Variants in IMPG2 observed in about 807,000 individuals in gnomAD.
IMPG2 encodes the protein interphotoreceptor matrix proteoglycan 2, also known as IPM 200.
Under a neutral mutation model 129.2 loss-of-function variants are expected in IMPG2, and 91 were observed. The observed-to-expected ratio is 0.70, with a 90% CI of 0.59 to 0.84. The LOEUF is 0.84. Among genes scored for constraint, IMPG2 ranks in the 40% least tolerant of loss-of-function variants. IMPG2 has a pLI of 0.00. For synonymous variants in IMPG2, 510 were observed against 517.7 expected (o/e 0.99, Z 0.20); for missense variants, 1,430 against 1,461.7 (o/e 0.98, Z 0.35).
At chr3:101,230,067 C>A (rs1042767142) in intron 16 of IMPG2, among the ~76,000 whole-genome samples, 2 of 152,192 alleles carry the variant, frequency 1.3e-5, no homozygotes, top group African/African-American at 4.8e-5. Flanking sequence ...TAGGACTGTT[C>A]TACACACTGC....
chr3:101,243,396 T>C, intron 13 of IMPG2, 133 bp downstream of exon 13: 2 of 802,844 alleles, frequency 2.5e-6, no homozygotes, highest in African/African-American at 1.7e-5. Flanking sequence ...ATGATACTAT[T>C]TGTGAATGAT....
intron 7 of IMPG2, among the ~76,000 whole-genome samples, chr3:101,271,182 G>A (rs1237787045): frequency 6.6e-6 from 1 of 152,164 alleles, no homozygotes; most frequent in East Asian, 1.9e-4. Context: ...GAAATCAGAA[G>A]GCTGAGGGTT....
chr3:101,304,370 A>G, intron 2 of IMPG2, 58 bp from the exon 3 acceptor site: 2 of 1,458,122 alleles, frequency 1.4e-6, no homozygotes, highest in Non-Finnish European at 1.9e-6. Flanking sequence ...GGTTCTTACA[A>G]TGATCATAGA....
chr3:101,244,778 T>C lies in IMPG2; in HGVS notation c.1553A>G (p.Asn518Ser), dbSNP rs200892260. Residue 518 changes from asparagine to serine, a missense_variant, in exon 13 of 19, where the codon AAT becomes AGT. Transcript: ENST00000193391. ...AAGAAAATCTTCTGACTCTTCAACA[T>C]TGGCTAATCCTAAAAATAAAGTTTT... is the stretch of plus-strand genomic sequence containing the variant. ...GSHLVEDGLA[N>S]VEESEDFLSI... 56 of 1,613,454 alleles carry C rather than the reference T, an allele frequency of 3.5e-5. No individual in the cohort carries two copies. The highest frequency in any genetic ancestry group is 1.6e-4 in the Middle Eastern group (1 of 6,076).
chr3:101,244,361 G>T lies in IMPG2; in HGVS notation c.1970C>A (p.Ser657Tyr). Residue 657 changes from serine to tyrosine, a missense_variant, in exon 13 of 19, where the codon TCC becomes TAC. Ser to Tyr is a moderately radical substitution (Grantham distance 144). Transcript: ENST00000193391. ...KKLVLVDKMD[S>Y]TDQISKHSKY... is the part of the protein sequence containing the mutation. ...TGAGTGCTTACTAATTTGGTCTGTG[G>T]AATCCATTTTGTCAACTAAAACTAG... 1 of 1,614,070 alleles carries T rather than the reference G, an allele frequency of 6.2e-7. No individual in the cohort carries two copies. Among genetic ancestry groups the T allele is most frequent in the South Asian group, 1.1e-5 (1 of 91,074 alleles).
rs151078877 is a variant in IMPG2 at position 101,250,952 on chromosome 3, A to G, written c.1239+2744T>C. Among the ~76,000 whole-genome samples the G allele has an allele frequency of 9.6e-3, 1,463 of 152,322 alleles. 9 individuals carry two copies. The highest frequency in any genetic ancestry group is 0.037 in the Middle Eastern group (11 of 294). ...GCTCAATACCAAGTTCTGTTCTTCA[A>G]TAAAGTAGTTACAATGATGATGATC... On this transcript the variant is annotated intron_variant, in intron 11 of 18. Transcript: ENST00000193391.
At position 101,303,457 on chromosome 3, in the gene IMPG2, A is replaced by G. The variant is rs1358537326; in HGVS notation, c.501+689T>C. On this transcript the variant is annotated intron_variant, in intron 3 of 18. Coordinates refer to ENST00000193391, the MANE Select transcript of IMPG2 (RefSeq NM_016247.4). ...TTTGGTTCCTTGCAAGGGAAGTTAC[A>G]TATGAGGACACAGAGGAACTGAATA... Among the ~76,000 whole-genome samples the G allele has an allele frequency of 3.3e-5, 5 of 152,200 alleles. No individual in the cohort carries two copies. The East Asian group carries it at 9.6e-4, about 29-fold the overall frequency.
At chr3:101,243,024 A>T (rs528854832) in intron 13 of IMPG2, 117 bp from the exon 14 acceptor site, 2 of 784,030 alleles carry the variant, frequency 2.6e-6, no homozygotes, top group African/African-American at 3.4e-5. Context: ...TCCTAATTGT[A>T]TTTTATCTAC....
intron 9 of IMPG2, among the ~76,000 whole-genome samples, chr3:101,261,016 C>G (rs949675247): frequency 3.3e-5 from 5 of 152,172 alleles, no homozygotes; most frequent in Admixed American, 1.3e-4. Flanking sequence ...TCTTCAGACT[C>G]TAAATATAAC....
intron 15 of IMPG2, among the ~76,000 whole-genome samples, chr3:101,231,384 A>C (rs1706286083): frequency 6.6e-6 from 1 of 152,226 alleles, no homozygotes; most frequent in Non-Finnish European, 1.5e-5. Context: ...TAAAAAGCTA[A>C]ATAGGTTTAA....
In IMPG2 at chr3:101,291,413, G is replaced by A. The variant is rs73156061; in HGVS notation, c.533+66C>T. ...AAAGGCACCATTAAATTTGGGGTGA[G>A]TCTTGAATTAGGCTATGACACATCT... On this transcript the variant is annotated intron_variant, in intron 4 of 18. Transcript: ENST00000193391. 3.2e-3 allele frequency: 4,217 copies of A among 1,328,680 alleles called. 8 individuals carry two copies. The highest frequency in any genetic ancestry group is 4.4e-3 in the Middle Eastern group (24 of 5,482). 82.3% of individuals were successfully genotyped at this position (1,328,680 alleles called of 1,614,324 possible).
intron 14 of IMPG2, among the ~76,000 whole-genome samples, chr3:101,234,749 C>T (rs1467898245): frequency 6.6e-6 from 1 of 152,144 alleles, no homozygotes; most frequent in Non-Finnish European, 1.5e-5. Context: ...TACTGCATAG[C>T]TCTCCTTTGT....
chr3:101,233,196 CAG>C (rs912521554), intron 14 of IMPG2, among the ~76,000 whole-genome samples: 2 of 152,162 alleles, frequency 1.3e-5, no homozygotes, highest in African/African-American at 4.8e-5. Context: ...TTGTGCAACT[CAG>C]AGCCAAATCA....
chr3:101,295,331 T>C (rs1380361752), intron 3 of IMPG2, among the ~76,000 whole-genome samples: 1 of 152,222 alleles, frequency 6.6e-6, no homozygotes, highest in Non-Finnish European at 1.5e-5. Flanking sequence ...ATTTATTAAA[T>C]AGGGAATTCT....
At chr3:101,291,904 C>T (rs1707018461) in intron 3 of IMPG2, among the ~76,000 whole-genome samples, 1 of 152,080 alleles carries the variant, frequency 6.6e-6, no homozygotes, top group African/African-American at 2.4e-5. Flanking sequence ...ACAATGTAAA[C>T]ATGTGGATAA....
At chr3:101,257,950 G>C (rs899721667) in intron 9 of IMPG2, among the ~76,000 whole-genome samples, 177 bp from the exon 10 acceptor site, 1 of 152,042 alleles carries the variant, frequency 6.6e-6, no homozygotes, top group Non-Finnish European at 1.5e-5. Context: ...CCTTCCCAGA[G>C]AATGAGGGGT....
At chr3:101,251,934 C>T (rs1706548749) in intron 11 of IMPG2, among the ~76,000 whole-genome samples, 1 of 152,258 alleles carries the variant, frequency 6.6e-6, no homozygotes, top group African/African-American at 2.4e-5. Flanking sequence ...AGTAACTAGA[C>T]ATTTCTAATT....
Position 101,253,189 on chromosome 3 carries a change from A to G in IMPG2, c.1239+507T>C, listed in dbSNP as rs1706562764. Among the ~76,000 whole-genome samples the G allele has an allele frequency of 4.6e-5, 7 of 152,272 alleles. No homozygotes were observed. In the South Asian group the frequency reaches 1.5e-3, roughly 32 times the overall value. ...CGGGAATGTTTTCAGTCCAGGTTAC[A>G]AGGAGGCCTGATTTAGAATCCCTGT... On this transcript the variant is annotated intron_variant, in intron 11 of 18. Transcript: ENST00000193391.
At chr3:101,252,487 C>G (rs1239120587) in intron 11 of IMPG2, among the ~76,000 whole-genome samples, 2 of 152,148 alleles carry the variant, frequency 1.3e-5, no homozygotes. Flanking sequence ...ATCTGCATCA[C>G]CTTGTTTAGA....
Sources: gnomAD v4.1 joint callset for allele counts (sites outside exome capture counted in the v4.1 genomes callset) on GRCh38, gnomAD v4.1.1 for gene constraint, MANE v1.5 for transcripts, NCBI Gene and HGNC (gene_info 2026-07-23, HGNC 2026-07-21) for gene names.